The following DLG2 variants were observed in gnomAD, a reference collection of about 807,000 sequenced individuals.
DLG2 encodes disks large homolog 2.
Under a neutral mutation model 132.5 loss-of-function variants are expected in DLG2, and 45 were observed. The ratio of observed to expected loss-of-function variants is 0.34; its 90% confidence interval spans 0.27 to 0.44. The LOEUF is 0.44. DLG2 is among the 20% of genes least tolerant of loss of function. The pLI, the probability that DLG2 is intolerant of heterozygous loss-of-function variation, is 1.00. For missense variants in DLG2, 1,045 were observed against 1,196.9 expected, an observed-to-expected ratio of 0.87 and a Z score of 1.87; for synonymous variants, 424 against 419.6, an observed-to-expected ratio of 1.01 and a Z score of -0.13.
At chr11:83,523,717 A>T (rs1382440869) in intron 21 of DLG2, among the ~76,000 whole-genome samples, 1 of 152,208 alleles carries the variant, frequency 6.6e-6, no homozygotes, top group East Asian at 1.9e-4. Flanking sequence ...ATGAGATGCA[A>T]TGGTTCTCCA....
intron 7 of DLG2, among the ~76,000 whole-genome samples, chr11:84,466,677 G>T (rs907840667): frequency 6.6e-6 from 1 of 151,290 alleles, no homozygotes; most frequent in Admixed American, 6.6e-5. Context: ...TCTAGTGGGG[G>T]TACTAAGTAT....
rs1350708972 is a variant in DLG2, at chr11:84,373,258, A to AAAC, written c.520-121968_520-121967insGTT. Among the ~76,000 whole-genome samples, 857 of 99,142 alleles carry AAAC rather than the reference A, an allele frequency of 8.6e-3. 48 individuals are homozygous for AAAC. The highest frequency in any genetic ancestry group is 0.026 in the African/African-American group (798 of 30,276). The allele number at this position is 99,142 out of a possible 152,430, so 65.0% of individuals were successfully genotyped here. A position where few individuals can be genotyped will look rare whatever the true frequency, so the allele number is the denominator to read the frequency against. ...CCAATTAAGAAACAGTCAAAAAAAA[A>AAAC]AAAAAACAAAACAAAAAAAAAACCC... On this transcript the variant is annotated intron_variant, in intron 7 of 27. Transcript: ENST00000376104.
intron 7 of DLG2, among the ~76,000 whole-genome samples, chr11:84,308,890 G>A (rs2098259133): frequency 6.6e-6 from 1 of 152,160 alleles, no homozygotes; most frequent in Non-Finnish European, 1.5e-5. Flanking sequence ...AGCATGGCGC[G>A]CAGCCCCAGT....
chr11:85,066,731 G>A (rs558683899), intron 6 of DLG2, among the ~76,000 whole-genome samples: 6 of 151,362 alleles, frequency 4.0e-5, no homozygotes, highest in Non-Finnish European at 8.9e-5. Context: ...GCATTCAATA[G>A]AATTCAATAT....
chr11:83,459,955 G>T (rs1430371608), intron 27 of DLG2, 31 bp from the exon 28 acceptor site: 6 of 1,257,826 alleles, frequency 4.8e-6, no homozygotes, highest in Non-Finnish European at 6.9e-6. Context: ...CCCAGAATTA[G>T]AAATAATTTC....
chr11:85,316,733 T>C (rs528627120), intron 3 of DLG2, among the ~76,000 whole-genome samples: 25 of 151,806 alleles, frequency 1.6e-4, no homozygotes, highest in African/African-American at 5.8e-4. Flanking sequence ...AAATAGAAAA[T>C]CTTCTTTGGC....
At chr11:85,439,866 A>G (rs1026686560) in intron 3 of DLG2, among the ~76,000 whole-genome samples, 6 of 152,192 alleles carry the variant, frequency 3.9e-5, no homozygotes, top group African/African-American at 9.7e-5. Context: ...AAGCAGGAAG[A>G]CTGGATATTA....
chr11:84,534,707 C>G lies in DLG2; in HGVS notation c.382G>C (p.Ala128Pro), dbSNP rs774693328. The change falls in exon 7 of 28, where the codon GCT (alanine) becomes CCT (proline). Residue 128 changes from alanine (A) to proline (P), a missense_variant. By Grantham distance (27) the Ala-to-Pro change is conservative. Around this residue, in one of 4 missense-constraint regions of DLG2, gnomAD observed 277 missense variants for 238.2 expected, o/e 1.16. Coordinates refer to ENST00000376104, the MANE Select transcript of DLG2 (RefSeq NM_001142699.3). ...CTKYRYQDED[A>P]PHDHSLPRLT... ...CGAGGTAAGGAATGATCATGTGGAG[C>G]GTCCTCATCTTGATATCGATACTTC... The G allele has an allele frequency of 1.8e-5, 29 of 1,613,826 alleles. 1 individual carries two copies. In the Middle Eastern group the frequency reaches 6.6e-4, roughly 37 times the overall value.
rs777378196 is a variant in DLG2 at position 83,483,440 on chromosome 11, TA to T, written c.2293+688del. ...ATCTGGATCCCATTCTCTCTTCTTTTAAAAAAACTTTCACCCCAAACTCCTT... is the reference window on the plus strand; with the variant it reads ...ATCTGGATCCCATTCTCTCTTCTTTTAAAAAACTTTCACCCCAAACTCCTT... On this transcript the variant is annotated intron_variant, in intron 22 of 27. Transcript: ENST00000376104. 5 of 563,918 alleles carry T rather than the reference TA, an allele frequency of 8.9e-6. No homozygotes were observed. In the South Asian group the frequency reaches 1.2e-4, roughly 14 times the overall value. The allele number at this position is 563,918 out of a possible 1,614,324, so 34.9% of individuals were successfully genotyped here.
intron 14 of DLG2, among the ~76,000 whole-genome samples, chr11:83,957,156 GA>G (rs2087090748): frequency 6.6e-6 from 1 of 152,188 alleles, no homozygotes; most frequent in South Asian, 2.1e-4. Context: ...AGAGCCTGAG[GA>G]GAACAAGTTT....
intron 6 of DLG2, among the ~76,000 whole-genome samples, chr11:84,687,636 T>C (rs891910416): frequency 1.3e-5 from 2 of 152,208 alleles, no homozygotes; most frequent in African/African-American, 4.8e-5. Context: ...CTCCAGGTAT[T>C]CAAAATGTAC....
At chr11:85,182,739 A>G (rs1185535898) in intron 4 of DLG2, among the ~76,000 whole-genome samples, 2 of 151,398 alleles carry the variant, frequency 1.3e-5, no homozygotes, top group Non-Finnish European at 3.0e-5. Flanking sequence ...GGAAGCCACA[A>G]AACAACATTT....
At chr11:84,925,634 C>T (rs1043424537) in intron 6 of DLG2, among the ~76,000 whole-genome samples, 9 of 152,124 alleles carry the variant, frequency 5.9e-5, no homozygotes, top group African/African-American at 2.2e-4. Context: ...AGAATAATAA[C>T]ATTTGCTATA....
rs573642063 is a variant in DLG2, at chr11:85,168,448, AC to A, written c.187-13798del. Among the ~76,000 whole-genome samples the A allele has an allele frequency of 3.7e-4, 56 of 152,292 alleles. No homozygotes were observed. The South Asian group carries it at 0.01, about 28-fold the overall frequency. On this transcript the variant is annotated intron_variant, in intron 4 of 27. Coordinates refer to ENST00000376104, the MANE Select transcript of DLG2 (RefSeq NM_001142699.3). ...AACAGAATGATATAGTTGGACAACT[AC>A]ATTTTTGCCATCAAATAGTTGTTAG... is the stretch of plus-strand genomic sequence containing the variant.
intron 11 of DLG2, among the ~76,000 whole-genome samples, chr11:84,001,605 A>G (rs2094349207): frequency 6.6e-6 from 1 of 152,168 alleles, no homozygotes; most frequent in Non-Finnish European, 1.5e-5. Context: ...CCTAACATAC[A>G]TTTGCAGAAC....
chr11:83,976,819 A>C (rs1431940541), intron 12 of DLG2, among the ~76,000 whole-genome samples: 4 of 151,844 alleles, frequency 2.6e-5, no homozygotes, highest in South Asian at 2.1e-4. Context: ...TTTTTTTTTG[A>C]GAGTTCATCT....
intron 5 of DLG2, among the ~76,000 whole-genome samples, chr11:85,139,368 G>A (rs2076318551): frequency 6.6e-6 from 1 of 152,034 alleles, no homozygotes; most frequent in Admixed American, 6.6e-5. Flanking sequence ...AGAATCAGCA[G>A]TCCAACATGA....
chr11:83,965,380 C>T lies in DLG2; in HGVS notation c.1145G>A (p.Gly382Asp), dbSNP rs2089949441. ...AGTCATATAAATGGTAGTGGGTTTG[C>T]CAACTTTTAAATAAACTACCTCTGA... ...NTSEVVYLKVGKPTTIYMTDP... is the reference protein window; with the variant it reads ...NTSEVVYLKVDKPTTIYMTDP... Residue 382 changes from glycine to aspartate, a missense_variant, in exon 13 of 28, where the codon GGC becomes GAC. By Grantham distance (94) the Gly-to-Asp change is moderately conservative. Transcript: ENST00000376104. 1.9e-6 allele frequency: 3 copies of T among 1,612,168 alleles called. No individual in the cohort carries two copies. Among genetic ancestry groups the T allele is most frequent in the Non-Finnish European group, 2.5e-6 (3 of 1,178,790 alleles).
At chr11:85,081,286 C>T (rs1009071374) in intron 6 of DLG2, among the ~76,000 whole-genome samples, 1 of 152,152 alleles carries the variant, frequency 6.6e-6, no homozygotes, top group Non-Finnish European at 1.5e-5. Context: ...TTATAGCAGC[C>T]TTGAGCAGAG....
Sources: allele counts gnomAD v4.1 joint callset (sites outside exome capture counted in the v4.1 genomes callset), GRCh38; gene constraint gnomAD v4.1.1; regional missense constraint gnomAD v4.1.1; transcripts MANE v1.5; gene names NCBI Gene and HGNC (gene_info 2026-07-23, HGNC 2026-07-21).